The following CDYL2 variants were observed in gnomAD, a reference collection of about 807,000 sequenced individuals.
CDYL2 encodes chromodomain Y-like protein 2.
In CDYL2, 23 loss-of-function variants were observed where a neutral mutation model predicts 49.4. The ratio of observed to expected loss-of-function variants is 0.47; its 90% confidence interval spans 0.34 to 0.66. CDYL2 has a LOEUF of 0.66. CDYL2 is among the 30% of genes least tolerant of loss of function. The probability of loss-of-function intolerance (pLI) is 0.01; values close to 1 mark genes in which losing one functional copy is unlikely to be tolerated. For missense variants in CDYL2, 678 were observed against 656.4 expected (o/e 1.03, Z -0.36); for synonymous variants, 360 against 268.8 (o/e 1.34, Z -3.32).
At chr16:80,782,395 G>A (rs1197652068) in intron 1 of CDYL2, among the ~76,000 whole-genome samples, 1 of 151,712 alleles carries the variant, frequency 6.6e-6, no homozygotes, top group East Asian at 1.9e-4. Flanking sequence ...CTTCACTGAT[G>A]AATTCTACCA....
chr16:80,770,479 GA>G (rs937220085), intron 1 of CDYL2, among the ~76,000 whole-genome samples: 1 of 151,582 alleles, frequency 6.6e-6, no homozygotes, highest in Non-Finnish European at 1.5e-5. Flanking sequence ...AAAAACAAAA[GA>G]AAAAAATACA....
chr16:80,645,000 A>C (rs1398065195), intron 2 of CDYL2, among the ~76,000 whole-genome samples: 1 of 152,204 alleles, frequency 6.6e-6, no homozygotes, highest in Non-Finnish European at 1.5e-5. Context: ...AAGATGGATT[A>C]AAGACTTAAA....
At chr16:80,707,584 A>G (rs1904449966) in intron 1 of CDYL2, among the ~76,000 whole-genome samples, 1 of 152,254 alleles carries the variant, frequency 6.6e-6, no homozygotes, top group African/African-American at 2.4e-5. Flanking sequence ...GGAACAGAGC[A>G]TCAAATGGGT....
chr16:80,608,263 G>A, intron 5 of CDYL2, 28 bp from the exon 6 acceptor site: 1 of 1,532,808 alleles, frequency 6.5e-7, no homozygotes, highest in Non-Finnish European at 8.8e-7. Context: ...GGCAAAGACT[G>A]AGGGCCTGGA....
intron 1 of CDYL2, among the ~76,000 whole-genome samples, chr16:80,768,470 T>C (rs1366614492): frequency 6.6e-6 from 1 of 152,242 alleles, no homozygotes; most frequent in Admixed American, 6.5e-5. Flanking sequence ...TTCTAGAGGC[T>C]GGGAAGTCCA....
At position 80,709,368 on chromosome 16, in the gene CDYL2, C is replaced by T. The variant is rs146413210; in HGVS notation, c.25-24239G>A. 8.6e-5 allele frequency among the ~76,000 whole-genome samples: 12 copies of T among 138,864 alleles called. No individual in the cohort carries two copies. In the East Asian group the frequency reaches 1.6e-3, roughly 19 times the overall value. The allele number at this position is 138,864 out of a possible 152,430, so 91.1% of individuals were successfully genotyped here. On this transcript the variant is annotated intron_variant, in intron 1 of 6. Coordinates refer to ENST00000570137, the MANE Select transcript of CDYL2 (RefSeq NM_152342.4). Reference sequence around the variant, plus strand: ...TTGCACTCCAGCCTAGGCAACATAGCGAGACTCCATTTCAAAAAAAAAAAA... The same window carrying T: ...TTGCACTCCAGCCTAGGCAACATAGTGAGACTCCATTTCAAAAAAAAAAAA...
chr16:80,749,676 G>T (rs533517513), intron 1 of CDYL2, among the ~76,000 whole-genome samples: 13 of 152,032 alleles, frequency 8.6e-5, no homozygotes, highest in Non-Finnish European at 1.6e-4. Context: ...CAAAACTTAA[G>T]AATTCAGCTG....
intron 1 of CDYL2, among the ~76,000 whole-genome samples, chr16:80,704,834 G>C (rs555271111): frequency 6.6e-6 from 1 of 152,270 alleles, no homozygotes; most frequent in East Asian, 1.9e-4. Flanking sequence ...AGAGATGAGA[G>C]TAAGAAAACA....
intron 1 of CDYL2, among the ~76,000 whole-genome samples, chr16:80,717,150 GAT>G (rs1904838747): frequency 9.1e-6 from 1 of 110,398 alleles, no homozygotes; most frequent in Admixed American, 8.5e-5. Flanking sequence ...TGGATCGATA[GAT>G]GGATGGATGG....
intron 1 of CDYL2, among the ~76,000 whole-genome samples, chr16:80,687,592 G>A (rs1452721234): frequency 6.6e-6 from 1 of 152,156 alleles, no homozygotes; most frequent in Admixed American, 6.5e-5. Context: ...ATGGACAGAT[G>A]TGGGATGGAT....
chr16:80,700,990 CG>C (rs1275302915), intron 1 of CDYL2, among the ~76,000 whole-genome samples: 4 of 152,164 alleles, frequency 2.6e-5, no homozygotes, highest in Non-Finnish European at 5.9e-5. Flanking sequence ...AGGGACTCGG[CG>C]GGCAGAAGAT....
intron 1 of CDYL2, among the ~76,000 whole-genome samples, chr16:80,732,692 A>C (rs1905372463): frequency 1.3e-5 from 2 of 152,234 alleles, no homozygotes; most frequent in African/African-American, 4.8e-5. Flanking sequence ...TAATGTATGA[A>C]AACATTTACA....
At chr16:80,709,594 A>ACACACACACACACACT (rs1491201692) in intron 1 of CDYL2, among the ~76,000 whole-genome samples, 1 of 150,422 alleles carries the variant, frequency 6.6e-6, no homozygotes, top group African/African-American at 2.5e-5. Flanking sequence ...ACACACACAC[A>ACACACACACACACACT]CTTCCTCAAA....
intron 1 of CDYL2, among the ~76,000 whole-genome samples, chr16:80,735,966 G>C (rs1397886706): frequency 6.6e-6 from 1 of 152,304 alleles, no homozygotes; most frequent in Middle Eastern, 3.4e-3. Context: ...TAGCTCAGGG[G>C]CCTCAAGCAA....
chr16:80,654,675 C>A (rs1005337101), intron 2 of CDYL2, among the ~76,000 whole-genome samples: 1 of 152,166 alleles, frequency 6.6e-6, no homozygotes, highest in African/African-American at 2.4e-5. Flanking sequence ...CCAGAAAACG[C>A]TCCACCAAAC....
chr16:80,750,638 G>C (rs1462371670), intron 1 of CDYL2, among the ~76,000 whole-genome samples: 1 of 150,544 alleles, frequency 6.6e-6, no homozygotes, highest in Non-Finnish European at 1.5e-5. Context: ...AGAAAAATCT[G>C]ACTAAGCTAA....
intron 1 of CDYL2, among the ~76,000 whole-genome samples, chr16:80,696,716 T>C (rs1048865975): frequency 4.1e-5 from 6 of 147,238 alleles, no homozygotes; most frequent in Non-Finnish European, 9.0e-5. Context: ...GATGGAAGAG[T>C]AATAAAAAAA....
chr16:80,610,437 A>G (rs1262394128), intron 5 of CDYL2, among the ~76,000 whole-genome samples: 1 of 152,186 alleles, frequency 6.6e-6, no homozygotes, highest in East Asian at 1.9e-4. Flanking sequence ...GTTCCTAAAA[A>G]GGAACAATTC....
chr16:80,664,339 G>C (rs1233877763), intron 2 of CDYL2, among the ~76,000 whole-genome samples: 1 of 152,096 alleles, frequency 6.6e-6, no homozygotes, highest in Non-Finnish European at 1.5e-5. Context: ...AATCCTCCGG[G>C]GCCACTTGAA....
Sources: allele counts gnomAD v4.1 joint callset (sites outside exome capture counted in the v4.1 genomes callset), GRCh38; gene constraint gnomAD v4.1.1; transcripts MANE v1.5; gene names NCBI Gene and HGNC (gene_info 2026-07-23, HGNC 2026-07-21).